The following PDE4D variants were observed in gnomAD, a reference collection of about 807,000 sequenced individuals.
The protein encoded by PDE4D is 3',5'-cyclic-AMP phosphodiesterase 4D.
PDE4D carries 24 observed loss-of-function variants against 87.4 expected under a neutral mutation model. That is an observed-to-expected ratio of 0.27 (90% CI 0.20 to 0.39). PDE4D has a LOEUF of 0.39. Ranked by LOEUF, PDE4D falls within the 10% of genes least tolerant of loss-of-function variation. The pLI, the probability that PDE4D is intolerant of heterozygous loss-of-function variation, is 1.00. For synonymous variants in PDE4D, 384 were observed against 383.2 expected (o/e 1.00, Z -0.02); for missense variants, 714 against 1,041.0 (o/e 0.69, Z 4.32).
chr5:59,046,564 T>C (rs901701569), intron 5 of PDE4D, among the ~76,000 whole-genome samples: 6 of 147,116 alleles, frequency 4.1e-5, no homozygotes, highest in African/African-American at 1.0e-4. Flanking sequence ...TGTGTGTGTG[T>C]GCATATAAGA....
intron 1 of PDE4D, among the ~76,000 whole-genome samples, chr5:60,252,640 A>T (rs1748607002): frequency 6.6e-6 from 1 of 151,850 alleles, no homozygotes; most frequent in Non-Finnish European, 1.5e-5. Flanking sequence ...TACACCATTC[A>T]GGATTAAAAT....
chr5:59,814,270 G>T (rs1042143030), intron 1 of PDE4D, among the ~76,000 whole-genome samples: 5 of 152,212 alleles, frequency 3.3e-5, no homozygotes, highest in Non-Finnish European at 7.3e-5. Context: ...CTGCTTGCAT[G>T]CTGCATCAGT....
At chr5:59,668,044 GGA>G (rs1288856512) in intron 1 of PDE4D, among the ~76,000 whole-genome samples, 1 of 152,146 alleles carries the variant, frequency 6.6e-6, no homozygotes, top group Admixed American at 6.5e-5. Context: ...CTTAAAATGT[GGA>G]GAGTGTGTCC....
chr5:60,022,885 T>C (rs1480810291), intron 2 of PDE4D, among the ~76,000 whole-genome samples: 4 of 152,124 alleles, frequency 2.6e-5, no homozygotes, highest in Non-Finnish European at 5.9e-5. Flanking sequence ...CTCTCTCTCT[T>C]ATCTATTTCA....
At chr5:59,180,891 T>C (rs1390718024) in intron 4 of PDE4D, among the ~76,000 whole-genome samples, 1 of 152,178 alleles carries the variant, frequency 6.6e-6, no homozygotes, top group Non-Finnish European at 1.5e-5. Context: ...ATAAAGCTGA[T>C]GTAAGTGTCA....
At chr5:60,155,435 T>C (rs1582894190) in intron 2 of PDE4D, among the ~76,000 whole-genome samples, 1 of 152,232 alleles carries the variant, frequency 6.6e-6, no homozygotes, top group South Asian at 2.1e-4. Context: ...CCTAATGGGA[T>C]GTGTGTCTCA....
intron 1 of PDE4D, among the ~76,000 whole-genome samples, chr5:59,422,524 G>A (rs899750078): frequency 6.6e-6 from 1 of 152,138 alleles, no homozygotes; most frequent in African/African-American, 2.4e-5. Flanking sequence ...ACGATAAAAG[G>A]TGATAACAGA....
At chr5:59,003,695 C>T (rs550500820) in intron 6 of PDE4D, among the ~76,000 whole-genome samples, 2 of 152,056 alleles carry the variant, frequency 1.3e-5, no homozygotes, top group Admixed American at 6.5e-5. Context: ...ATAAGGATTA[C>T]GGATAGAGGT....
At chr5:59,646,647 T>G (rs1309713025) in intron 1 of PDE4D, among the ~76,000 whole-genome samples, 1 of 152,182 alleles carries the variant, frequency 6.6e-6, no homozygotes, top group Non-Finnish European at 1.5e-5. Flanking sequence ...GTGGCAAACG[T>G]TTTGAACGCT....
chr5:59,589,878 T>C (rs989367972), intron 1 of PDE4D, among the ~76,000 whole-genome samples: 14 of 152,180 alleles, frequency 9.2e-5, no homozygotes, highest in African/African-American at 3.4e-4. Flanking sequence ...TTTCGTTGGA[T>C]TTTTATTTTT....
chr5:59,953,321 A>C (rs774877383), intron 3 of PDE4D, among the ~76,000 whole-genome samples: 2 of 152,164 alleles, frequency 1.3e-5, no homozygotes, highest in Non-Finnish European at 2.9e-5. Context: ...TTAATGCATC[A>C]AAATATTTAC....
intron 1 of PDE4D, among the ~76,000 whole-genome samples, chr5:59,335,319 A>G (rs942462610): frequency 2.6e-5 from 4 of 152,126 alleles, no homozygotes; most frequent in African/African-American, 7.2e-5. Flanking sequence ...GCAATAGGAG[A>G]CTTCTGACAG....
intron 3 of PDE4D, among the ~76,000 whole-genome samples, chr5:59,910,791 C>T (rs772288283): frequency 6.6e-6 from 1 of 152,132 alleles, no homozygotes; most frequent in Non-Finnish European, 1.5e-5. Flanking sequence ...TATCTCCCTG[C>T]CCCCAAAGAA....
intron 2 of PDE4D, among the ~76,000 whole-genome samples, chr5:60,064,977 C>A (rs1244959787): frequency 6.6e-6 from 1 of 152,168 alleles, no homozygotes; most frequent in Non-Finnish European, 1.5e-5. Context: ...ATTCTTAATT[C>A]TTTTGCCTCT....
At chr5:59,464,903 T>C (rs1223230223) in intron 1 of PDE4D, among the ~76,000 whole-genome samples, 1 of 152,216 alleles carries the variant, frequency 6.6e-6, no homozygotes, top group Non-Finnish European at 1.5e-5. Flanking sequence ...AAAAATCTTT[T>C]CAAAATACAA....
intron 1 of PDE4D, among the ~76,000 whole-genome samples, chr5:60,285,373 T>G (rs981482751): frequency 6.6e-6 from 1 of 151,996 alleles, no homozygotes; most frequent in African/African-American, 2.4e-5. Flanking sequence ...TAAGGCACTC[T>G]GCTGAAAAAT....
intron 1 of PDE4D, among the ~76,000 whole-genome samples, chr5:59,838,789 T>C (rs1742537162): frequency 6.6e-6 from 1 of 152,054 alleles, no homozygotes; most frequent in South Asian, 2.1e-4. Flanking sequence ...AACAGTCACA[T>C]ATGTTGGTGC....
chr5:59,705,430 A>G (rs192679972), intron 1 of PDE4D, among the ~76,000 whole-genome samples: 92 of 152,202 alleles, frequency 6.0e-4, no homozygotes, highest in Non-Finnish European at 1.2e-3. Flanking sequence ...CTGAAATGCA[A>G]ACATAGGAAA....
At chr5:60,468,446 T>G (rs577114685) in intron 1 of PDE4D, among the ~76,000 whole-genome samples, 1 of 151,832 alleles carries the variant, frequency 6.6e-6, no homozygotes, top group East Asian at 2.0e-4. Context: ...GTCTACATCC[T>G]AACTTTTCAA....
Sources: allele counts gnomAD v4.1 joint callset (sites outside exome capture counted in the v4.1 genomes callset), GRCh38; gene constraint gnomAD v4.1.1; transcripts MANE v1.5; gene names NCBI Gene and HGNC (gene_info 2026-07-23, HGNC 2026-07-21).